The following ZNF800 variants were observed in gnomAD, a reference collection of about 807,000 sequenced individuals.
The protein encoded by ZNF800 is zinc finger protein 800.
In ZNF800, 13 loss-of-function variants were observed where a neutral mutation model predicts 59.5. That is an observed-to-expected ratio of 0.22 (90% CI 0.14 to 0.35). ZNF800 has a LOEUF of 0.35. Among genes scored for constraint, ZNF800 ranks in the 10% least tolerant of loss-of-function variants. The probability of loss-of-function intolerance (pLI) is 1.00; values close to 1 mark genes in which losing one functional copy is unlikely to be tolerated. For synonymous variants in ZNF800, 266 were observed against 265.7 expected, an observed-to-expected ratio of 1.00 and a Z score of -0.01; for missense variants, 621 against 783.7, an observed-to-expected ratio of 0.79 and a Z score of 2.48.
Position 127,391,591 on chromosome 7 carries a change from T to C in ZNF800, c.-34A>G. On this transcript the variant is annotated 5_prime_UTR_variant, in exon 2 of 6. Coordinates refer to ENST00000265827, the MANE Select transcript of ZNF800 (RefSeq NM_176814.5). The stretch of plus-strand genomic sequence containing the variant: ...GACTCGACCTACTTTGCTTTCACTG[T>C]AAGAAGCTCTTCATTGCGGCGTGGC... The C allele has an allele frequency of 6.2e-7, 1 of 1,601,604 alleles. No individual in the cohort carries two copies. Among genetic ancestry groups the C allele is most frequent in the East Asian group, 2.2e-5 (1 of 44,820 alleles).
intron 1 of ZNF800, chr7:127,350,139 T>C (rs1452985021): frequency 1.3e-5 from 2 of 152,212 alleles, no homozygotes; most frequent in Non-Finnish European, 2.9e-5. Flanking sequence ...CTCAGATTTA[T>C]CCAGAGCAAC....
At chr7:127,352,609 G>C (rs1253241958) in intron 1 of ZNF800, among the ~76,000 whole-genome samples, 1 of 152,220 alleles carries the variant, frequency 6.6e-6, no homozygotes, top group African/African-American at 2.4e-5. Context: ...TTTTCATGTA[G>C]ATTTGCCTAT....
chr7:127,361,915 C>T (rs1041277133), intron 1 of ZNF800: 1 of 152,082 alleles, frequency 6.6e-6, no homozygotes, highest in Admixed American at 6.6e-5. Context: ...AGCTTTAGAA[C>T]TTAAGGCAAA....
intron 2 of ZNF800, among the ~76,000 whole-genome samples, chr7:127,388,191 G>A (rs1015578932): frequency 1.4e-4 from 22 of 152,186 alleles, no homozygotes; most frequent in Admixed American, 1.4e-3. Flanking sequence ...AACAGCCTGG[G>A]ACATAGTAAG....
downstream of ZNF800, chr7:127,346,671 C>G (rs1325815414): frequency 1.3e-5 from 2 of 152,244 alleles, no homozygotes; most frequent in African/African-American, 4.8e-5. Context: ...CATGGAATGT[C>G]TGATGATGTG....
In ZNF800 at chr7:127,392,647, C is replaced by T. The variant is rs1801378047; in HGVS notation, c.-646G>A. Reference sequence around the variant, plus strand: ...CTCCTCCGGAGAGCCCGAGCTACCGCCGCGGAGCGCGTAGGAAGGGGGAAG... The same window carrying T: ...CTCCTCCGGAGAGCCCGAGCTACCGTCGCGGAGCGCGTAGGAAGGGGGAAG... On this transcript the variant is annotated 5_prime_UTR_variant, in exon 1 of 6. Transcript: ENST00000265827. 6.3e-6 allele frequency: 1 copy of T among 157,632 alleles called. No individual in the cohort carries two copies. Among genetic ancestry groups the T allele is most frequent in the Non-Finnish European group, 1.4e-5 (1 of 71,812 alleles). 9.8% of individuals were successfully genotyped at this position (157,632 alleles called of 1,614,324 possible).
At chr7:127,390,833 A>G (rs1464300837) in intron 2 of ZNF800, among the ~76,000 whole-genome samples, 2 of 152,228 alleles carry the variant, frequency 1.3e-5, no homozygotes, top group East Asian at 3.8e-4. Flanking sequence ...GTTTGCTAGT[A>G]TTCTTCATGA....
chr7:127,357,570 A>C (rs1275482002), intron 1 of ZNF800, among the ~76,000 whole-genome samples: 2 of 152,068 alleles, frequency 1.3e-5, no homozygotes, highest in East Asian at 3.9e-4. Context: ...AATCATGAAA[A>C]TTCCTGGACA....
intron 5 of ZNF800, among the ~76,000 whole-genome samples, chr7:127,372,304 A>T (rs956537379): frequency 6.6e-6 from 1 of 151,938 alleles, no homozygotes; most frequent in African/African-American, 2.4e-5. Flanking sequence ...AACATGATGA[A>T]ACCCCATCTC....
At chr7:127,362,584 C>T (rs1182878116) in intron 1 of ZNF800, 2 of 152,028 alleles carry the variant, frequency 1.3e-5, no homozygotes, top group Admixed American at 6.6e-5. Flanking sequence ...TACTATGTCC[C>T]GAGCATTGTG....
At chr7:127,349,458 G>A (rs1210401758) in intron 1 of ZNF800, among the ~76,000 whole-genome samples, 1 of 152,182 alleles carries the variant, frequency 6.6e-6, no homozygotes, top group Admixed American at 6.5e-5. Flanking sequence ...GTAAGTTTCA[G>A]ATATATTTTA....
downstream of ZNF800, among the ~76,000 whole-genome samples, chr7:127,368,283 T>C (rs1470048280): frequency 6.6e-6 from 1 of 152,158 alleles, no homozygotes; most frequent in Non-Finnish European, 1.5e-5. Flanking sequence ...ATGTGTTTAA[T>C]GCCTCAAAAA....
At chr7:127,387,786 G>A (rs547887160) in intron 2 of ZNF800, among the ~76,000 whole-genome samples, 6 of 152,040 alleles carry the variant, frequency 3.9e-5, no homozygotes, top group South Asian at 2.1e-4. Context: ...GTTTGAGCCC[G>A]GGAGGCAGAG....
chr7:127,381,152 T>A (rs996312840), intron 3 of ZNF800, among the ~76,000 whole-genome samples: 8 of 152,346 alleles, frequency 5.3e-5, no homozygotes, highest in Non-Finnish European at 1.2e-4. Context: ...TCTTACTTAA[T>A]GCACTGACAT....
chr7:127,356,567 G>C (rs559068708), intron 1 of ZNF800, among the ~76,000 whole-genome samples: 1 of 147,564 alleles, frequency 6.8e-6, no homozygotes, highest in African/African-American at 2.5e-5. Flanking sequence ...GGCTTGCCAG[G>C]AAAAAAAAAA....
intron 3 of ZNF800, among the ~76,000 whole-genome samples, chr7:127,382,275 T>C (rs1800999612): frequency 1.3e-5 from 2 of 152,200 alleles, no homozygotes; most frequent in Non-Finnish European, 2.9e-5. Flanking sequence ...GGGCATTCCA[T>C]AGTTCCTTTG....
intron 4 of ZNF800, among the ~76,000 whole-genome samples, chr7:127,376,006 T>C (rs187915300): frequency 4.5e-4 from 68 of 152,090 alleles, no homozygotes; most frequent in African/African-American, 1.5e-3. Flanking sequence ...ACTCTATAAG[T>C]TAACTCTACA....
chr7:127,349,212 T>C (rs1318128459), intron 1 of ZNF800, among the ~76,000 whole-genome samples: 1 of 152,222 alleles, frequency 6.6e-6, no homozygotes, highest in East Asian at 1.9e-4. Context: ...AATCTCTCTT[T>C]AGTTTGAAAT....
At position 127,373,402 on chromosome 7, in the gene ZNF800, G is replaced by A. The variant is rs1360635074; in HGVS notation, c.1934C>T (p.Ser645Phe). Residue 645 changes from serine to phenylalanine, a missense_variant, in exon 5 of 6, where the codon TCC (serine) becomes TTC (phenylalanine). Ser to Phe is a radical substitution (Grantham distance 155, BLOSUM62 -2). Coordinates refer to ENST00000265827, the MANE Select transcript of ZNF800 (RefSeq NM_176814.5). ...HHKKTHKANA[S>F]NSPEGNKTKG... is the part of the protein sequence containing the mutation. Reference sequence around the variant, plus strand: ...GGTTTTGTTTCCTTCAGGTGAATTGGAAGCATTTGCCTTATGAGTTTTCTT... The same window carrying A: ...GGTTTTGTTTCCTTCAGGTGAATTGAAAGCATTTGCCTTATGAGTTTTCTT... The A allele has an allele frequency of 6.2e-7, 1 of 1,613,030 alleles. No individual in the cohort carries two copies. Among genetic ancestry groups the A allele is most frequent in the South Asian group, 1.1e-5 (1 of 90,960 alleles).
Sources: allele counts gnomAD v4.1 joint callset (sites outside exome capture counted in the v4.1 genomes callset), GRCh38; gene constraint gnomAD v4.1.1; transcripts MANE v1.5; gene names NCBI Gene and HGNC (gene_info 2026-07-23, HGNC 2026-07-21).